Variants in GGT1 observed in about 807,000 individuals in gnomAD.
The protein encoded by GGT1 is glutathione hydrolase 1 proenzyme.
GGT1 carries 21 observed loss-of-function variants against 56.0 expected under a neutral mutation model. That is an observed-to-expected ratio of 0.38 (90% confidence interval 0.27 to 0.54). The LOEUF (loss-of-function observed/expected upper bound fraction) is 0.54. Among genes scored for constraint, GGT1 ranks in the 20% least tolerant of loss-of-function variants. The pLI, the probability that GGT1 is intolerant of heterozygous loss-of-function variation, is 0.82. For synonymous variants in GGT1, 238 were observed against 342.6 expected (o/e 0.69, Z 3.37); for missense variants, 466 against 787.0 (o/e 0.59, Z 4.88).
intron 10 of GGT1, among the ~76,000 whole-genome samples, 157 bp downstream of exon 10, chr22:24,623,413 G>A (rs1021525241): frequency 1.6e-4 from 25 of 151,860 alleles, no homozygotes; most frequent in African/African-American, 5.1e-4. Flanking sequence ...ACCATGTCCT[G>A]AAGGAGGCAG....
chr22:24,621,161 C>T, intron 9 of GGT1, 91 bp downstream of exon 9: 3 of 1,490,956 alleles, frequency 2.0e-6, no homozygotes, highest in Non-Finnish European at 9.0e-7. Flanking sequence ...CCTGTCTTGC[C>T]TGAGCCTGCA....
intron 11 of GGT1, chr22:24,624,274 G>A (rs2047611343): frequency 1.1e-6 from 1 of 928,120 alleles, no homozygotes; most frequent in Non-Finnish European, 1.3e-6. Context: ...CAGAGACCTT[G>A]GCCACCCACT....
chr22:24,584,365 C>A, the GGT1 span, among the ~76,000 whole-genome samples: 2 of 152,214 alleles, frequency 1.3e-5, no homozygotes, highest in Non-Finnish European at 2.9e-5. Flanking sequence ...TCTCCAATCT[C>A]TCCAAAGCCT....
the GGT1 span, chr22:24,589,061 A>G: frequency 9.7e-7 from 1 of 1,030,664 alleles, no homozygotes; most frequent in South Asian, 3.3e-5. Context: ...GCCGTGGGCT[A>G]GGCGCAGAGT....
At chr22:24,622,764 A>G (rs2047511518) in intron 9 of GGT1, among the ~76,000 whole-genome samples, 1 of 151,970 alleles carries the variant, frequency 6.6e-6, no homozygotes, top group Admixed American at 6.6e-5. Context: ...AGAAAAGAAA[A>G]CACTCTGTGG....
At chr22:24,595,130 A>C (rs545750708) in intron 1 of GGT1, among the ~76,000 whole-genome samples, 1 of 152,276 alleles carries the variant, frequency 6.6e-6, no homozygotes, top group South Asian at 2.1e-4. Flanking sequence ...TGTGGAAGGC[A>C]GAGAACTGCC....
intron 1 of GGT1, among the ~76,000 whole-genome samples, chr22:24,604,736 G>C (rs2147221879): frequency 6.6e-6 from 1 of 151,898 alleles, no homozygotes; most frequent in Non-Finnish European, 1.5e-5. Context: ...GTAGAGGGCT[G>C]ACTGGGACAG....
Position 24,614,893 on chromosome 22 carries a change from C to G in GGT1, c.282C>G (p.Tyr94Ter). 6.2e-7 allele frequency: 1 copy of G among 1,613,186 alleles called. No homozygotes were observed. The highest frequency in any genetic ancestry group is 8.5e-7 in the Non-Finnish European group (1 of 1,179,602). ...GIGGGLFLTI[Y>*]NSTTRKAEVI... Reference sequence around the variant, plus strand: ...GGGGTGGCCTCTTCCTCACCATCTACAACAGCACCACACGTGAGTGCCTCG... The same window carrying G: ...GGGGTGGCCTCTTCCTCACCATCTAGAACAGCACCACACGTGAGTGCCTCG... The change falls in exon 6 of 16, where the codon TAC (tyrosine) becomes TAG (stop). Residue 94 changes from tyrosine (Y) to a stop codon, truncating the protein, a stop_gained. Coordinates refer to ENST00000400382, the MANE Select transcript of GGT1 (RefSeq NM_001288833.2). LOFTEE classifies it high-confidence loss of function.
At chr22:24,589,223 GGCA>G in the GGT1 span, 5 of 1,258,800 alleles carry the variant, frequency 4.0e-6, no homozygotes, top group Non-Finnish European at 5.2e-6. Context: ...CGATGCTCAT[GGCA>G]GGACATCTGC....
the GGT1 span, chr22:24,589,227 G>T: frequency 4.0e-6 from 5 of 1,258,954 alleles, no homozygotes; most frequent in Non-Finnish European, 5.2e-6. Flanking sequence ...GCTCATGGCA[G>T]GACATCTGCA....
chr22:24,617,423 C>G (rs143807761), intron 7 of GGT1, among the ~76,000 whole-genome samples: 1,739 of 152,142 alleles, frequency 0.011, 8 homozygotes, highest in Middle Eastern at 0.017. Flanking sequence ...CTATGGACCC[C>G]GTGGGTTGCT....
intron 9 of GGT1, among the ~76,000 whole-genome samples, chr22:24,622,862 G>A (rs1359712920): frequency 6.6e-6 from 1 of 152,234 alleles, no homozygotes; most frequent in Non-Finnish European, 1.5e-5. Flanking sequence ...GTGGTGAGCA[G>A]TGTCAGGGAG....
At position 24,620,398 on chromosome 22, in the gene GGT1, G is replaced by T. The variant is rs752978762; in HGVS notation, c.453G>T (p.Leu151=). 1.9e-6 allele frequency: 3 copies of T among 1,611,320 alleles called. No individual in the cohort carries two copies. The highest frequency in any genetic ancestry group is 4.5e-5 in the East Asian group (2 of 44,856). The change falls in exon 8 of 16, where the codon CTG becomes CTT. Residue 151 remains leucine (L), a synonymous_variant. Transcript: ENST00000400382. This position sits in a 1 kb window ranked among gnomAD's most constrained non-coding sequence, Gnocchi z 5.6. Reference sequence around the variant, plus strand: ...TGGCACACCAGCGGCATGGGCGGCTGCCCTGGGCTCGCCTCTTCCAGCCCA... The same window carrying T: ...TGGCACACCAGCGGCATGGGCGGCTTCCCTGGGCTCGCCTCTTCCAGCCCA... ...YELAHQRHGR[L]PWARLFQPSI... is the part of the protein sequence containing the mutation.
chr22:24,584,749 T>A, the GGT1 span, among the ~76,000 whole-genome samples: 1 of 151,970 alleles, frequency 6.6e-6, no homozygotes, highest in Non-Finnish European at 1.5e-5. Context: ...ACCTCCTGGC[T>A]TAGCACATGA....
rs373675697 is a variant in GGT1 at position 24,626,214 on chromosome 22, G to C, written c.1021-1218G>C. Among the ~76,000 whole-genome samples the C allele has an allele frequency of 6.1e-5, 9 of 148,664 alleles. No homozygotes were observed. The East Asian group carries it at 7.8e-4, about 13-fold the overall frequency. ...TCACTGTGTTAGCCAGGATGGTCTC[G>C]ATCTCCTGACGTCGTGATCCGCCCT... On this transcript the variant is annotated intron_variant, in intron 11 of 15. Transcript: ENST00000400382.
At chr22:24,587,170 T>C in the GGT1 span, among the ~76,000 whole-genome samples, 1 of 152,056 alleles carries the variant, frequency 6.6e-6, no homozygotes, top group Non-Finnish European at 1.5e-5. Context: ...TAGGGAGAAA[T>C]TCTCCTACAA....
Position 24,622,360 on chromosome 22 carries a change from C to A in GGT1, c.734-747C>A, listed in dbSNP as rs1260587656. ...CGTGTGGATCACGGGGTCAGGAGAT[C>A]GAGACCATCCTGGCTAACACAGTGA... On this transcript the variant is annotated intron_variant, in intron 9 of 15. Coordinates refer to ENST00000400382, the MANE Select transcript of GGT1 (RefSeq NM_001288833.2). 2.8e-5 allele frequency among the ~76,000 whole-genome samples: 4 copies of A among 144,758 alleles called. No individual in the cohort carries two copies. The South Asian group carries it at 8.9e-4, about 32-fold the overall frequency. The allele number at this position is 144,758 out of a possible 152,430, so 95.0% of individuals were successfully genotyped here.
intron 5 of GGT1, 90 bp from the exon 6 acceptor site, chr22:24,614,686 T>C: frequency 9.4e-7 from 1 of 1,061,110 alleles, no homozygotes; most frequent in Non-Finnish European, 1.4e-6. Flanking sequence ...TTCTCTTCCA[T>C]CCTCCTTTGG....
chr22:24,593,217 C>CTCCTCCAGTG, upstream of GGT1: 1 of 553,110 alleles, frequency 1.8e-6, no homozygotes, highest in Non-Finnish European at 2.3e-6. Flanking sequence ...TCGGTTTGGC[C>CTCCTCCAGTG]TGATCACACT....
Sources: allele counts gnomAD v4.1 joint callset (sites outside exome capture counted in the v4.1 genomes callset), GRCh38; gene constraint gnomAD v4.1.1; non-coding constraint Gnocchi (gnomAD v3.1); transcripts MANE v1.5; gene names NCBI Gene and HGNC (gene_info 2026-07-23, HGNC 2026-07-21).